The following MTA3 variants were observed in gnomAD, a reference collection of about 807,000 sequenced individuals.
The protein encoded by MTA3 is metastasis-associated protein MTA3.
Under a neutral mutation model 83.5 loss-of-function variants are expected in MTA3, and 34 were observed. The ratio of observed to expected loss-of-function variants is 0.41; its 90% CI spans 0.31 to 0.54. MTA3 has a LOEUF of 0.54. Among genes scored for constraint, MTA3 ranks in the 20% least tolerant of loss-of-function variants. The probability of loss-of-function intolerance (pLI) is 0.33; values close to 1 mark genes in which losing one functional copy is unlikely to be tolerated. For missense variants in MTA3, 761 were observed against 726.4 expected, an observed-to-expected ratio of 1.05 and a Z score of -0.55; for synonymous variants, 303 against 252.7, an observed-to-expected ratio of 1.20 and a Z score of -1.89.
At chr2:42,529,455 C>A (rs954542328) in intron 2 of MTA3, among the ~76,000 whole-genome samples, 8 of 152,220 alleles carry the variant, frequency 5.3e-5, no homozygotes, top group African/African-American at 1.9e-4. Flanking sequence ...CAACCACCTA[C>A]TGTTTAAGCA....
intron 2 of MTA3, among the ~76,000 whole-genome samples, chr2:42,497,279 A>G (rs1674178600): frequency 6.6e-6 from 1 of 151,264 alleles, no homozygotes. Flanking sequence ...ATAATTAGAA[A>G]TTGTCCATAC....
chr2:42,721,318 CTTTT>C (rs916954421), intron 15 of MTA3, among the ~76,000 whole-genome samples: 6 of 148,888 alleles, frequency 4.0e-5, no homozygotes, highest in Middle Eastern at 3.5e-3. Flanking sequence ...TGTTCTTTTT[CTTTT>C]TCTTTTTCTT....
chr2:42,650,630 C>T (rs1012306074), intron 6 of MTA3, among the ~76,000 whole-genome samples: 2 of 151,906 alleles, frequency 1.3e-5, no homozygotes, highest in East Asian at 1.9e-4. Context: ...TTAGTAGAGA[C>T]GGGGTTTCAA....
chr2:42,737,232 C>G (rs1668677082), intron 16 of MTA3, among the ~76,000 whole-genome samples: 1 of 152,170 alleles, frequency 6.6e-6, no homozygotes, highest in African/African-American at 2.4e-5. Flanking sequence ...GCCTAGACTG[C>G]CTTTCAAGTT....
At chr2:42,579,419 A>C (rs1005643130) in intron 3 of MTA3, among the ~76,000 whole-genome samples, 7 of 67,992 alleles carry the variant, frequency 1.0e-4, no homozygotes, top group South Asian at 9.3e-4. Flanking sequence ...TTATATCTAT[A>C]TATATATATA....
chr2:42,707,858 A>G (rs1400598874), intron 12 of MTA3, 45 bp from the exon 13 acceptor site: 3 of 1,469,556 alleles, frequency 2.0e-6, no homozygotes, highest in Non-Finnish European at 2.7e-6. Context: ...GATGTTACAA[A>G]TTAAATAGCA....
At position 42,547,194 on chromosome 2, in the gene MTA3, G is replaced by T. The variant is rs147479454; in HGVS notation, c.-140-23243G>T. On this transcript the variant is annotated intron_variant, in intron 2 of 17. Coordinates refer to the MTA3 transcript ENST00000405592. ...GAATTAAATGAACAATTCGCCAATCGGGCAGCCGGCAGAATCACAGCAGAT... is the reference window on the plus strand; with the variant it reads ...GAATTAAATGAACAATTCGCCAATCTGGCAGCCGGCAGAATCACAGCAGAT... Among the ~76,000 whole-genome samples, 7 of 152,290 alleles carry T rather than the reference G, an allele frequency of 4.6e-5. No individual in the cohort carries two copies. In the East Asian group the frequency reaches 1.3e-3, roughly 29 times the overall value.
chr2:42,585,566 G>A (rs1313877214), intron 3 of MTA3, among the ~76,000 whole-genome samples: 4 of 147,576 alleles, frequency 2.7e-5, no homozygotes, highest in African/African-American at 5.0e-5. Context: ...CCTCCGCCTC[G>A]TGGGTTCAAG....
Position 42,755,012 on chromosome 2 carries a change from G to A in MTA3, c.*1613G>A, listed in dbSNP as rs1670142130. 2 of 985,504 alleles carry A rather than the reference G, an allele frequency of 2.0e-6. No homozygotes were observed. Among genetic ancestry groups the A allele is most frequent in the Admixed American group, 1.2e-4 (2 of 16,260 alleles). 61.0% of individuals were successfully genotyped at this position (985,504 alleles called of 1,614,324 possible). A position where few individuals can be genotyped will look rare whatever the true frequency, so the allele number is the denominator to read the frequency against. On this transcript the variant is annotated 3_prime_UTR_variant, in exon 17 of 17. Transcript: ENST00000405094. ...TTGGAGCTGTGCTGGGTCTTGGCTT[G>A]GGGCGCTGAGGGTGGGGCCTGTGTC...
chr2:42,560,458 A>G (rs946303533), intron 2 of MTA3, among the ~76,000 whole-genome samples: 3 of 150,242 alleles, frequency 2.0e-5, no homozygotes, highest in Non-Finnish European at 3.0e-5. Context: ...CTGGCCAACA[A>G]TGCGAAAGGC....
upstream of MTA3, among the ~76,000 whole-genome samples, chr2:42,566,596 G>C (rs1250003957): frequency 6.6e-6 from 1 of 152,116 alleles, no homozygotes; most frequent in East Asian, 1.9e-4. Flanking sequence ...GTTCCTAAGG[G>C]GACATAGGGA....
intron 2 of MTA3, among the ~76,000 whole-genome samples, chr2:42,562,233 T>C (rs887763465): frequency 1.8e-4 from 28 of 152,282 alleles, no homozygotes; most frequent in African/African-American, 6.5e-4. Context: ...CTTAATTATA[T>C]CTGCAAACAC....
intron 15 of MTA3, among the ~76,000 whole-genome samples, chr2:42,721,805 C>G (rs1481504891): frequency 6.6e-6 from 1 of 152,132 alleles, no homozygotes; most frequent in Non-Finnish European, 1.5e-5. Flanking sequence ...AGTCCAAGGA[C>G]TTGAAAGCAG....
Position 42,656,243 on chromosome 2 carries a change from T to C in MTA3, c.543T>C (p.Val181=). Residue 181 remains valine (V), a synonymous_variant, in exon 7 of 17, where the codon GTT becomes GTC. Transcript: ENST00000405094. ...AACAATCAAAATTGGAAGTTAAAGT[T>C]TGGGATCCAAATAGCCCACTTACGG... ...EREQSKLEVK[V]WDPNSPLTDR... 1.2e-6 allele frequency: 2 copies of C among 1,613,854 alleles called. No homozygotes were observed. Among genetic ancestry groups the C allele is most frequent in the South Asian group, 1.1e-5 (1 of 91,078 alleles).
chr2:42,510,451 G>T (rs1320763694), intron 2 of MTA3, among the ~76,000 whole-genome samples: 1 of 151,992 alleles, frequency 6.6e-6, no homozygotes, highest in African/African-American at 2.4e-5. Context: ...CATCATGTCT[G>T]GGTCCCCGCC....
intron 2 of MTA3, among the ~76,000 whole-genome samples, chr2:42,556,216 C>T (rs1677384378): frequency 6.6e-6 from 1 of 152,120 alleles, no homozygotes; most frequent in African/African-American, 2.4e-5. Context: ...TCTTCTGCTT[C>T]TCTATCTCCC....
At chr2:42,739,190 T>C (rs1397006895) in intron 16 of MTA3, among the ~76,000 whole-genome samples, 1 of 152,116 alleles carries the variant, frequency 6.6e-6, no homozygotes, top group Non-Finnish European at 1.5e-5. Context: ...GTGTGATGTC[T>C]CCCCCAGATG....
chr2:42,706,624 T>A (rs1030444106), intron 12 of MTA3, among the ~76,000 whole-genome samples: 5 of 152,248 alleles, frequency 3.3e-5, no homozygotes, highest in Non-Finnish European at 5.9e-5. Context: ...GAATTACAAT[T>A]TTTTATGCAC....
Position 42,530,491 on chromosome 2 carries a change from G to GA in MTA3, c.-141+35247dup, listed in dbSNP as rs35355311. Among the ~76,000 whole-genome samples, 606 of 145,676 alleles carry GA rather than the reference G, an allele frequency of 4.2e-3. 4 individuals carry two copies. The highest frequency in any genetic ancestry group is 0.013 in the African/African-American group (530 of 39,968). ...GACAGAGCGAGACTCCGTCTCAAAG[G>GA]AAAAAAAAAAGGGCTGGGAGCGGTG... On this transcript the variant is annotated intron_variant, in intron 2 of 17. Coordinates refer to the MTA3 transcript ENST00000405592.
Sources: gnomAD v4.1 joint callset for allele counts (sites outside exome capture counted in the v4.1 genomes callset) on GRCh38, gnomAD v4.1.1 for gene constraint, MANE v1.5 for transcripts, NCBI Gene and HGNC (gene_info 2026-07-23, HGNC 2026-07-21) for gene names.